Variants in ARHGEF10L observed in about 807,000 individuals in gnomAD.
The protein encoded by ARHGEF10L is Rho guanine nucleotide exchange factor 10 like.
In ARHGEF10L, 69 loss-of-function variants were observed where a neutral mutation model predicts 141.2. That is an observed-to-expected ratio of 0.49 (90% CI 0.40 to 0.60). The LOEUF (loss-of-function observed/expected upper bound fraction) is 0.60. Among genes scored for constraint, ARHGEF10L ranks in the 20% least tolerant of loss-of-function variants. The pLI is 0.00. For synonymous variants in ARHGEF10L, 711 were observed against 718.5 expected, an observed-to-expected ratio of 0.99 and a Z score of 0.17; for missense variants, 1,482 against 1,734.3, an observed-to-expected ratio of 0.85 and a Z score of 2.58.
upstream of ARHGEF10L, among the ~76,000 whole-genome samples, chr1:17,535,974 A>G (rs1458071243): frequency 1.3e-5 from 2 of 152,218 alleles, no homozygotes; most frequent in Non-Finnish European, 2.9e-5. Context: ...TAGGTTGGGC[A>G]CACTGACCAG....
At chr1:17,518,715 C>T in the ARHGEF10L span, among the ~76,000 whole-genome samples, 1 of 148,788 alleles carries the variant, frequency 6.7e-6, no homozygotes, top group Non-Finnish European at 1.5e-5. Flanking sequence ...TCACTTGAAC[C>T]TGGGAGGCGG....
At chr1:17,696,749 A>C (rs1394070980) in intron 28 of ARHGEF10L, 99 bp from the exon 29 acceptor site, 133 of 1,085,038 alleles carry the variant, frequency 1.2e-4, no homozygotes, top group Middle Eastern at 2.5e-4. Flanking sequence ...TGACCCCCCC[A>C]AATACCCACC....
chr1:17,591,567 C>T (rs6678761), intron 4 of ARHGEF10L, among the ~76,000 whole-genome samples: 35 of 152,208 alleles, frequency 2.3e-4, no homozygotes, highest in African/African-American at 6.5e-4. Context: ...TGTGCCACCA[C>T]GCCGAACTAA....
chr1:17,644,156 A>C lies in ARHGEF10L; in HGVS notation c.2272+3854A>C, dbSNP rs1276351890. 6.6e-6 allele frequency among the ~76,000 whole-genome samples: 1 copy of C among 152,230 alleles called. No homozygotes were observed. Among genetic ancestry groups the C allele is most frequent in the Non-Finnish European group, 1.5e-5 (1 of 68,034 alleles). On this transcript the variant is annotated intron_variant, in intron 21 of 28. Coordinates refer to ENST00000361221, the MANE Select transcript of ARHGEF10L (RefSeq NM_018125.4). The surrounding 1 kb of genome is among the most constrained non-coding windows in gnomAD (Gnocchi z 4.5). ...GCTAATGCCAAACTCACAGGGACAT[A>C]ACCAGGTGGCCCAAGGCAGTGAGCC...
At chr1:17,596,048 T>C (rs1205198862) in intron 4 of ARHGEF10L, among the ~76,000 whole-genome samples, 1 of 152,024 alleles carries the variant, frequency 6.6e-6, no homozygotes, top group Non-Finnish European at 1.5e-5. Context: ...GCTTACTTCT[T>C]CCCCCCTCAC....
chr1:17,624,570 C>A, intron 13 of ARHGEF10L, 67 bp downstream of exon 13: 6 of 1,329,982 alleles, frequency 4.5e-6, no homozygotes, highest in Non-Finnish European at 6.5e-6. Flanking sequence ...AGGAAGGGAG[C>A]ATTTTGGCCC....
chr1:17,643,167 GGAT>G (rs552455714), intron 21 of ARHGEF10L, among the ~76,000 whole-genome samples: 43 of 152,098 alleles, frequency 2.8e-4, no homozygotes, highest in Non-Finnish European at 3.8e-4. Context: ...GTTTGGGAGG[GGAT>G]GATAATATGA....
chr1:17,602,477 G>A (rs2080787042), intron 5 of ARHGEF10L, among the ~76,000 whole-genome samples: 1 of 152,180 alleles, frequency 6.6e-6, no homozygotes, highest in South Asian at 2.1e-4. Flanking sequence ...TGGTGGGAGT[G>A]CCCTGGGGAC....
At position 17,624,537 on chromosome 1, in the gene ARHGEF10L, G is replaced by C. The variant is rs778842773; in HGVS notation, c.1317+34G>C. 1.7e-5 allele frequency: 27 copies of C among 1,565,944 alleles called. No homozygotes were observed. In the South Asian group the frequency reaches 1.8e-4, roughly 10 times the overall value. The stretch of plus-strand genomic sequence containing the variant: ...CCATGGTGGTACCGTGCCTGGTCAG[G>C]GTGGGCAGGGAGATTGCTCAGGAGG... On this transcript the variant is annotated intron_variant, in intron 13 of 28. Transcript: ENST00000361221.
intron 6 of ARHGEF10L, among the ~76,000 whole-genome samples, chr1:17,605,604 C>T (rs1476637069): frequency 6.6e-6 from 1 of 152,200 alleles, no homozygotes; most frequent in Non-Finnish European, 1.5e-5. Flanking sequence ...GCCCCGTTCA[C>T]TGTCTTACTG....
At chr1:17,595,220 CTTT>C (rs58475060) in intron 4 of ARHGEF10L, among the ~76,000 whole-genome samples, 3,273 of 105,894 alleles carry the variant, frequency 0.031, 48 homozygotes, top group East Asian at 0.11. Context: ...CGTGGCTCAC[CTTT>C]TTTTTTTTTT....
chr1:17,659,862 C>A (rs2062503506), intron 25 of ARHGEF10L, among the ~76,000 whole-genome samples: 1 of 152,232 alleles, frequency 6.6e-6, no homozygotes, highest in African/African-American at 2.4e-5. Flanking sequence ...ACAGAACCAG[C>A]AGCTGAGAGT....
chr1:17,550,888 G>A (rs2077087949), intron 1 of ARHGEF10L, among the ~76,000 whole-genome samples: 1 of 152,214 alleles, frequency 6.6e-6, no homozygotes, highest in African/African-American at 2.4e-5. Context: ...GAAGATGGGT[G>A]CAAGGAACTT....
At chr1:17,616,667 A>G (rs965958979) in intron 9 of ARHGEF10L, among the ~76,000 whole-genome samples, 2 of 152,222 alleles carry the variant, frequency 1.3e-5, no homozygotes, top group African/African-American at 4.8e-5. Flanking sequence ...AGCTGTTGGC[A>G]CAGCGCGGGA....
intron 1 of ARHGEF10L, 23 bp from the exon 2 acceptor site, chr1:17,580,530 G>A (rs1023264569): frequency 5.5e-5 from 89 of 1,606,336 alleles, no homozygotes; most frequent in East Asian, 4.0e-4. Flanking sequence ...CAGCTAATGC[G>A]ATTTCTGGTC....
chr1:17,640,127 G>A (rs1451013719), intron 20 of ARHGEF10L, 75 bp from the exon 21 acceptor site: 1 of 1,538,410 alleles, frequency 6.5e-7, no homozygotes, highest in Non-Finnish European at 8.8e-7. Context: ...GTTGGAGGAA[G>A]TACTACGTGA....
chr1:17,658,611 GT>G (rs1454872719), intron 25 of ARHGEF10L, among the ~76,000 whole-genome samples: 2 of 152,152 alleles, frequency 1.3e-5, no homozygotes, highest in Non-Finnish European at 2.9e-5. Flanking sequence ...GCAAACATGT[GT>G]GTACCAAACG....
In ARHGEF10L at chr1:17,621,357, A is replaced by G. The variant is rs749055153; in HGVS notation, c.943-507A>G. On this transcript the variant is annotated intron_variant, in intron 10 of 28. Transcript: ENST00000361221. This position sits in a 1 kb window ranked among gnomAD's most constrained non-coding sequence, Gnocchi z 4.1. ...CAGCAATTCTCTTGCTTCAGCCTCC[A>G]AAGTAGCTGGGACTATAGGCGCGTG... 1.3e-5 allele frequency among the ~76,000 whole-genome samples: 2 copies of G among 152,088 alleles called. No individual in the cohort carries two copies. The highest frequency in any genetic ancestry group is 2.9e-5 in the Non-Finnish European group (2 of 68,006).
intron 21 of ARHGEF10L, among the ~76,000 whole-genome samples, chr1:17,646,412 G>C (rs1002002874): frequency 2.0e-5 from 3 of 152,206 alleles, no homozygotes; most frequent in Admixed American, 2.0e-4. Flanking sequence ...TCTGAGAAAA[G>C]AGACTTTTTG....
Sources: allele counts gnomAD v4.1 joint callset (sites outside exome capture counted in the v4.1 genomes callset), GRCh38; gene constraint gnomAD v4.1.1; non-coding constraint Gnocchi (gnomAD v3.1); transcripts MANE v1.5; gene names NCBI Gene and HGNC (gene_info 2026-07-23, HGNC 2026-07-21).